The following PPARD variants were observed in gnomAD, a reference collection of about 807,000 sequenced individuals.
PPARD encodes peroxisome proliferator activated receptor delta, also known as peroxisome proliferator-activated receptor delta.
A neutral mutation model predicts 39.5 loss-of-function variants in PPARD; 6 were observed. That is an observed-to-expected ratio of 0.15 (90% confidence interval 0.08 to 0.30). The LOEUF (loss-of-function observed/expected upper bound fraction) is 0.30. PPARD is among the 10% of genes least tolerant of loss of function. The probability of loss-of-function intolerance (pLI) is 1.00; values close to 1 mark genes in which losing one functional copy is unlikely to be tolerated. For missense variants in PPARD, 397 were observed against 596.8 expected (o/e 0.67, Z 3.49); for synonymous variants, 210 against 231.3 (o/e 0.91, Z 0.83).
chr6:35,363,557 C>T lies in PPARD; in HGVS notation c.-102+16407C>T, dbSNP rs1032519598. Among the ~76,000 whole-genome samples, 36 of 152,176 alleles carry T rather than the reference C, an allele frequency of 2.4e-4. No homozygotes were observed. The highest frequency in any genetic ancestry group is 9.7e-5 in the African/African-American group (4 of 41,446). On this transcript the variant is annotated intron_variant, in intron 2 of 7. Transcript: ENST00000360694. This position sits in a 1 kb window ranked among gnomAD's most constrained non-coding sequence, Gnocchi z 4.5. ...TGGGGCTGGTGCCTCAGCCTCCAGA[C>T]GCTCTCCAGTAGGTCTGAGTAGGTG... is the stretch of plus-strand genomic sequence containing the variant.
At chr6:35,423,393 G>A (rs1766327184) in intron 5 of PPARD, among the ~76,000 whole-genome samples, 1 of 151,986 alleles carries the variant, frequency 6.6e-6, no homozygotes. Flanking sequence ...AATTAGCCAG[G>A]CATGGTGGTG....
intron 2 of PPARD, among the ~76,000 whole-genome samples, chr6:35,387,921 C>T (rs763214052): frequency 2.6e-5 from 4 of 151,608 alleles, no homozygotes; most frequent in Non-Finnish European, 5.9e-5. Context: ...GGGGTTTCAC[C>T]ATGTTGGCCA....
intron 3 of PPARD, 57 bp downstream of exon 3, chr6:35,411,274 G>A: frequency 7.2e-7 from 1 of 1,385,302 alleles, no homozygotes; most frequent in African/African-American, 1.5e-5. Flanking sequence ...CAGTGCAGTG[G>A]GGATCCTGGC....
chr6:35,358,096 T>C (rs986659801), intron 2 of PPARD, among the ~76,000 whole-genome samples: 22 of 152,186 alleles, frequency 1.4e-4, no homozygotes, highest in African/African-American at 5.3e-4. Context: ...GATCTTGAGA[T>C]GAGGGGATTA....
intron 2 of PPARD, among the ~76,000 whole-genome samples, chr6:35,355,555 A>G (rs1761531018): frequency 8.7e-6 from 1 of 115,548 alleles, no homozygotes. Flanking sequence ...CTGTCTGTAA[A>G]AAAAAAAAAA....
chr6:35,425,107 T>C lies in PPARD; in HGVS notation c.1078+328T>C, dbSNP rs1367958753. 4 of 876,750 alleles carry C rather than the reference T, an allele frequency of 4.6e-6. No homozygotes were observed. The Admixed American group carries it at 1.9e-4, about 41-fold the overall frequency. The allele number at this position is 876,750 out of a possible 1,614,324, so 54.3% of individuals were successfully genotyped here. Reference sequence around the variant, plus strand: ...GGCCAACATGGTGAAACCCCGTCTCTACTAAAAATACAAAAAATTAGCCAG... The same window carrying C: ...GGCCAACATGGTGAAACCCCGTCTCCACTAAAAATACAAAAAATTAGCCAG... On this transcript the variant is annotated intron_variant, in intron 7 of 7. Transcript: ENST00000360694. The surrounding 1 kb of genome is among the most constrained non-coding windows in gnomAD (Gnocchi z 4.5).
chr6:35,368,754 A>ATCTGC (rs1315266760), intron 2 of PPARD, among the ~76,000 whole-genome samples: 1 of 152,182 alleles, frequency 6.6e-6, no homozygotes, highest in Non-Finnish European at 1.5e-5. Flanking sequence ...TTCTATTTGA[A>ATCTGC]TCTGCTCAAA....
At chr6:35,383,912 G>T (rs1763338657) in intron 2 of PPARD, among the ~76,000 whole-genome samples, 1 of 144,506 alleles carries the variant, frequency 6.9e-6, no homozygotes, top group African/African-American at 2.9e-5. Flanking sequence ...TCTCCGCCCG[G>T]CAGCCACCCC....
chr6:35,395,274 C>T (rs984160912), intron 2 of PPARD, among the ~76,000 whole-genome samples: 9 of 152,180 alleles, frequency 5.9e-5, no homozygotes, highest in Admixed American at 2.0e-4. Flanking sequence ...AGAACAGAAT[C>T]GGGCTTAGAA....
intron 3 of PPARD, among the ~76,000 whole-genome samples, chr6:35,419,820 C>G (rs1435584176): frequency 1.3e-5 from 2 of 152,222 alleles, no homozygotes; most frequent in South Asian, 4.1e-4. Flanking sequence ...CTCCTCCCCA[C>G]TGCTACCCCA....
intron 2 of PPARD, among the ~76,000 whole-genome samples, chr6:35,400,111 C>T (rs931411891): frequency 6.6e-6 from 1 of 152,184 alleles, no homozygotes; most frequent in Non-Finnish European, 1.5e-5. Context: ...CATGTCTCCT[C>T]TCTCCCTGGG....
intron 3 of PPARD, among the ~76,000 whole-genome samples, chr6:35,413,684 CTT>C (rs569625848): frequency 9.3e-5 from 13 of 139,656 alleles, no homozygotes; most frequent in Non-Finnish European, 9.4e-5. Context: ...ATGTGTGATT[CTT>C]TTTTTTTTTT....
intron 2 of PPARD, among the ~76,000 whole-genome samples, chr6:35,407,848 G>A (rs1047088934): frequency 6.7e-6 from 1 of 148,742 alleles, no homozygotes; most frequent in South Asian, 2.1e-4. Flanking sequence ...CACTGCTGTT[G>A]GTAATTGCTA....
intron 2 of PPARD, among the ~76,000 whole-genome samples, chr6:35,379,814 A>C (rs1027703540): frequency 2.0e-5 from 3 of 152,218 alleles, no homozygotes; most frequent in African/African-American, 7.2e-5. Flanking sequence ...GTTTCTGAGG[A>C]ATAGCCCCAA....
At chr6:35,372,183 A>ATT (rs1323380472) in intron 2 of PPARD, among the ~76,000 whole-genome samples, 1 of 151,972 alleles carries the variant, frequency 6.6e-6, no homozygotes, top group African/African-American at 2.4e-5. Flanking sequence ...ATTTTTATTT[A>ATT]TTTTTATTTT....
chr6:35,375,345 G>A (rs774515885), intron 2 of PPARD, among the ~76,000 whole-genome samples: 1 of 148,862 alleles, frequency 6.7e-6, no homozygotes, highest in Non-Finnish European at 1.5e-5. Context: ...AGCCTCCCAA[G>A]TAGCTGGGAC....
chr6:35,378,613 T>C (rs1762953968), intron 2 of PPARD, among the ~76,000 whole-genome samples: 1 of 152,150 alleles, frequency 6.6e-6, no homozygotes, highest in East Asian at 1.9e-4. Context: ...ATAATCCTAG[T>C]GGGCCCTGAG....
At chr6:35,417,390 A>G (rs1242364137) in intron 3 of PPARD, among the ~76,000 whole-genome samples, 1 of 151,154 alleles carries the variant, frequency 6.6e-6, no homozygotes, top group African/African-American at 2.4e-5. Context: ...AGGCTCAAGG[A>G]TTTTCCTGCC....
intron 2 of PPARD, among the ~76,000 whole-genome samples, chr6:35,399,970 AG>A (rs1236849667): frequency 1.3e-5 from 2 of 152,162 alleles, no homozygotes; most frequent in African/African-American, 4.8e-5. Context: ...TGCAGTGAAC[AG>A]CTCAGTGTTT....
Sources: allele counts gnomAD v4.1 joint callset (sites outside exome capture counted in the v4.1 genomes callset), GRCh38; gene constraint gnomAD v4.1.1; non-coding constraint Gnocchi (gnomAD v3.1); transcripts MANE v1.5; gene names NCBI Gene and HGNC (gene_info 2026-07-23, HGNC 2026-07-21).